Variants in DNAH9 observed in about 807,000 individuals in gnomAD.
The protein encoded by DNAH9 is DNAH9 variant protein.
Under a neutral mutation model 471.6 loss-of-function variants are expected in DNAH9, and 345 were observed. The ratio of observed to expected loss-of-function variants is 0.73; its 90% CI spans 0.67 to 0.80. The LOEUF (loss-of-function observed/expected upper bound fraction) is 0.80. Ranked by LOEUF, DNAH9 falls within the 30% of genes least tolerant of loss-of-function variation. The pLI, the probability that DNAH9 is intolerant of heterozygous loss-of-function variation, is 0.00. For missense variants in DNAH9, 5,407 were observed against 5,609.2 expected (o/e 0.96, Z 1.15); for synonymous variants, 2,093 against 2,123.6 (o/e 0.99, Z 0.40).
chr17:11,828,990 G>A (rs1422540297), intron 48 of DNAH9, among the ~76,000 whole-genome samples: 1 of 152,182 alleles, frequency 6.6e-6, no homozygotes, highest in Non-Finnish European at 1.5e-5. Context: ...AATAGATGAA[G>A]GGTGGAGAGG....
chr17:11,805,466 A>G (rs1969631287), intron 43 of DNAH9, among the ~76,000 whole-genome samples: 1 of 145,166 alleles, frequency 6.9e-6, no homozygotes, highest in African/African-American at 2.5e-5. Flanking sequence ...ATTGTAGCCC[A>G]TGCAATTCAA....
rs9916482 is a variant in DNAH9 at position 11,680,807 on chromosome 17, A to G, written c.3661A>G (p.Thr1221Ala). ...QVAPLQANEVTLLRQRCTAFD... is the reference protein window; with the variant it reads ...QVAPLQANEVALLRQRCTAFD... ...GGCCCCACTGCAGGCAAATGAAGTG[A>G]CACTCCTCCGCCAGAGGTGCACAGC... The change falls in exon 19 of 69, where the codon ACA (threonine) becomes GCA (alanine). Residue 1221 changes from threonine to alanine, a missense_variant. Thr to Ala is a moderately conservative substitution (Grantham distance 58). Coordinates refer to ENST00000262442, the MANE Select transcript of DNAH9 (RefSeq NM_001372.4). 3.2e-3 allele frequency: 5,228 copies of G among 1,613,892 alleles called. 142 individuals carry two copies. In the African/African-American group the frequency reaches 0.057, roughly 18 times the overall value.
intron 33 of DNAH9, among the ~76,000 whole-genome samples, chr17:11,754,691 C>T (rs963120444): frequency 6.6e-6 from 1 of 151,916 alleles, no homozygotes; most frequent in African/African-American, 2.4e-5. Context: ...GTTTTTTTCT[C>T]ATAAATTTGC....
At chr17:11,754,438 C>T (rs1388166821) in intron 33 of DNAH9, among the ~76,000 whole-genome samples, 1 of 152,174 alleles carries the variant, frequency 6.6e-6, no homozygotes, top group African/African-American at 2.4e-5. Context: ...TTTACACTCC[C>T]ACCAACAGTG....
rs758002197 is a variant in DNAH9, at chr17:11,793,605, G to A, written c.8164G>A (p.Glu2722Lys). Residue 2722 changes from glutamate (E) to lysine (K), a missense_variant, in exon 42 of 69, where the codon GAA (glutamate) becomes AAA (lysine). This residue lies in a region of DNAH9 where 4,636 missense variants were observed against 4,900.3 expected (regional missense o/e 0.95). Transcript: ENST00000262442. ...AGTTTATCGGGATAAGATGGTAGAAGAAAAGGACTTTGATCTTTTTGATAA... is the reference window on the plus strand; with the variant it reads ...AGTTTATCGGGATAAGATGGTAGAAAAAAAGGACTTTGATCTTTTTGATAA... Reference protein sequence around the residue: ...NRVYRDKMVEEKDFDLFDKIQ... With the variant: ...NRVYRDKMVEKKDFDLFDKIQ... 2 of 1,613,770 alleles carry A rather than the reference G, an allele frequency of 1.2e-6. No individual in the cohort carries two copies. Among genetic ancestry groups the A allele is most frequent in the Admixed American group, 1.7e-5 (1 of 59,964 alleles).
At chr17:11,965,181 A>G (rs1339909297) in intron 68 of DNAH9, among the ~76,000 whole-genome samples, 1 of 152,210 alleles carries the variant, frequency 6.6e-6, no homozygotes, top group Non-Finnish European at 1.5e-5. Flanking sequence ...ACAGCTGTGG[A>G]CATGCTCAAG....
rs921875986 is a variant in DNAH9 at position 11,693,789 on chromosome 17, C to T, written c.4615-79C>T. On this transcript the variant is annotated intron_variant, in intron 20 of 68. Transcript: ENST00000262442. ...TTGACAACCCAGGAACAAGTTTCTG[C>T]TTCTAACTGGCTCCATGGAGGGAGC... 2.0e-5 allele frequency: 30 copies of T among 1,494,128 alleles called. No individual in the cohort carries two copies. In the African/African-American group the frequency reaches 3.8e-4, roughly 19 times the overall value. 92.6% of individuals were successfully genotyped at this position (1,494,128 alleles called of 1,614,324 possible).
At chr17:11,813,224 A>G (rs1252903816) in intron 45 of DNAH9, among the ~76,000 whole-genome samples, 1 of 151,558 alleles carries the variant, frequency 6.6e-6, no homozygotes, top group East Asian at 1.9e-4. Flanking sequence ...TAAGGCTTCT[A>G]TATATTCTTT....
intron 53 of DNAH9, among the ~76,000 whole-genome samples, chr17:11,875,521 AG>A (rs905159303): frequency 6.6e-6 from 1 of 152,152 alleles, no homozygotes; most frequent in Non-Finnish European, 1.5e-5. Flanking sequence ...TGCTTTATAA[AG>A]TTTTCCTCAC....
chr17:11,860,367 T>G (rs8075294), intron 50 of DNAH9, among the ~76,000 whole-genome samples: 1 of 152,118 alleles, frequency 6.6e-6, no homozygotes, highest in Non-Finnish European at 1.5e-5. Flanking sequence ...TTATTCTGCT[T>G]TGGCTCATTC....
chr17:11,620,349 C>G (rs2072831429), intron 6 of DNAH9, among the ~76,000 whole-genome samples: 1 of 149,762 alleles, frequency 6.7e-6, no homozygotes, highest in African/African-American at 2.5e-5. Context: ...CCTGTCTCTA[C>G]TAAAAATACA....
At position 11,881,401 on chromosome 17, in the gene DNAH9, G is replaced by A. The variant is rs1195796442; in HGVS notation, c.10794G>A (p.Leu3598=). The part of the protein sequence containing the change: ...AAVVSMERPD[L]EQLKSDLTKQ... Reference sequence around the variant, plus strand: ...TGGTCAGCATGGAGAGGCCAGACTTGGAGCAGCTGAAGGTGAGGACAGAAG... The same window carrying A: ...TGGTCAGCATGGAGAGGCCAGACTTAGAGCAGCTGAAGGTGAGGACAGAAG... Residue 3598 remains leucine, a synonymous_variant, in exon 55 of 69, where the codon TTG becomes TTA. Coordinates refer to ENST00000262442, the MANE Select transcript of DNAH9 (RefSeq NM_001372.4). 6.2e-7 allele frequency: 1 copy of A among 1,612,760 alleles called. No homozygotes were observed. The highest frequency in any genetic ancestry group is 2.2e-5 in the East Asian group (1 of 44,854).
At chr17:11,735,682 G>A (rs1053625120) in intron 28 of DNAH9, among the ~76,000 whole-genome samples, 34 of 152,138 alleles carry the variant, frequency 2.2e-4, no homozygotes, top group African/African-American at 7.2e-4. Context: ...TGATCCGCCC[G>A]CCTCGGCCTC....
intron 15 of DNAH9, 116 bp downstream of exon 15, chr17:11,665,084 C>T: frequency 5.6e-6 from 5 of 886,216 alleles, no homozygotes; most frequent in Non-Finnish European, 8.8e-6. Flanking sequence ...ACGTTGTAGA[C>T]CTTTTGTGAA....
chr17:11,809,360 T>C (rs1430405364), intron 44 of DNAH9, among the ~76,000 whole-genome samples: 1 of 151,832 alleles, frequency 6.6e-6, no homozygotes, highest in Non-Finnish European at 1.5e-5. Flanking sequence ...GGTCAGGAGA[T>C]CGAAACCATC....
At chr17:11,865,363 C>T (rs1246463821) in intron 50 of DNAH9, among the ~76,000 whole-genome samples, 1 of 151,894 alleles carries the variant, frequency 6.6e-6, no homozygotes, top group Non-Finnish European at 1.5e-5. Context: ...TCTCTTCTGG[C>T]TTGTAGAGTT....
intron 49 of DNAH9, among the ~76,000 whole-genome samples, chr17:11,843,879 A>ATATGTGTATATATATATATATATG (rs1567842054): frequency 7.5e-6 from 1 of 132,838 alleles, no homozygotes; most frequent in East Asian, 2.1e-4. Context: ...ATATATATAT[A>ATATGTGTATATATATATATATATG]TATATATATA....
At chr17:11,726,609 C>T (rs1464309438) in intron 27 of DNAH9, among the ~76,000 whole-genome samples, 1 of 152,106 alleles carries the variant, frequency 6.6e-6, no homozygotes, top group South Asian at 2.1e-4. Context: ...CATTTGTGGT[C>T]TATATTATTC....
At chr17:11,927,305 T>C (rs896310125) in intron 62 of DNAH9, among the ~76,000 whole-genome samples, 2 of 152,214 alleles carry the variant, frequency 1.3e-5, no homozygotes, top group Non-Finnish European at 2.9e-5. Context: ...CAATTGCTTT[T>C]AGCATTTTTG....
Sources: allele counts gnomAD v4.1 joint callset (sites outside exome capture counted in the v4.1 genomes callset), GRCh38; gene constraint gnomAD v4.1.1; regional missense constraint gnomAD v4.1.1; transcripts MANE v1.5; gene names NCBI Gene and HGNC (gene_info 2026-07-23, HGNC 2026-07-21).